The following DST variants were observed in gnomAD, a reference collection of about 807,000 sequenced individuals.
DST encodes the protein dystonin.
Under a neutral mutation model 875.2 loss-of-function variants are expected in DST, and 253 were observed. The ratio of observed to expected loss-of-function variants is 0.29; its 90% CI spans 0.26 to 0.32. The LOEUF is 0.32. DST is among the 10% of genes least tolerant of loss of function. The probability of loss-of-function intolerance (pLI) is 1.00; values close to 1 mark genes in which losing one functional copy is unlikely to be tolerated. For missense variants in DST, 8,287 were observed against 9,111.6 expected, an observed-to-expected ratio of 0.91 and a Z score of 3.68; for synonymous variants, 3,124 against 3,197.1, an observed-to-expected ratio of 0.98 and a Z score of 0.77.
chr6:56,458,801 A>T lies in DST; in HGVS notation c.*204T>A. The stretch of plus-strand genomic sequence containing the variant: ...AGTTCATGTTAAACTTTTCCTCCTC[A>T]CATATGATGTGACTTTAACCCCAGA... On this transcript the variant is annotated 3_prime_UTR_variant, in exon 104 of 104. Coordinates refer to ENST00000680361, the MANE Select transcript of DST (RefSeq NM_001374736.1). 2 of 516,078 alleles carry T rather than the reference A, an allele frequency of 3.9e-6. No homozygotes were observed. The highest frequency in any genetic ancestry group is 6.5e-6 in the Non-Finnish European group (2 of 310,006). The allele number at this position is 516,078 out of a possible 1,614,324, so 32.0% of individuals were successfully genotyped here. A position where few individuals can be genotyped will look rare whatever the true frequency, so the allele number is the denominator to read the frequency against.
chr6:56,683,639 A>G (rs2099167197), intron 9 of DST, among the ~76,000 whole-genome samples: 2 of 152,234 alleles, frequency 1.3e-5, no homozygotes, highest in South Asian at 4.1e-4. Context: ...TCAAGAGAGC[A>G]GCAACAAAGG....
intron 45 of DST, among the ~76,000 whole-genome samples, chr6:56,599,286 CT>C (rs1254433142): frequency 6.6e-6 from 1 of 151,878 alleles, no homozygotes; most frequent in East Asian, 1.9e-4. Context: ...TCTTCTTTTC[CT>C]CCTTTATCAT....
In DST at chr6:56,607,565, T is replaced by C. The variant is rs375876144; in HGVS notation, c.7063A>G (p.Ile2355Val). 19 of 1,611,908 alleles carry C rather than the reference T, an allele frequency of 1.2e-5. No homozygotes were observed. Among genetic ancestry groups the C allele is most frequent in the East Asian group, 8.9e-5 (4 of 44,780 alleles). The change falls in exon 40 of 104, where the codon ATT (isoleucine) becomes GTT (valine). Residue 2355 changes from isoleucine (I) to valine (V), a missense_variant. Coordinates refer to ENST00000680361, the MANE Select transcript of DST (RefSeq NM_001374736.1). The stretch of plus-strand genomic sequence containing the variant: ...TCAGAGTCACTTCTAAGCATGCTAA[T>C]GTCTGCAAGTTCAGTCTGTGTTAAA... ...SYLTQTELAD[I>V]SMLRSDSENI...
intron 2 of DST, among the ~76,000 whole-genome samples, chr6:56,921,074 A>T (rs1184278317): frequency 6.6e-6 from 1 of 151,896 alleles, no homozygotes; most frequent in Non-Finnish European, 1.5e-5. Flanking sequence ...CAAATAAATC[A>T]AACAAATAAA....
intron 4 of DST, among the ~76,000 whole-genome samples, chr6:56,751,063 C>T (rs2099585350): frequency 6.6e-6 from 1 of 152,058 alleles, no homozygotes; most frequent in Admixed American, 6.5e-5. Flanking sequence ...ACCCCCAATG[C>T]TTCAGGTTCT....
chr6:56,926,796 T>G (rs1807356184), intron 2 of DST, among the ~76,000 whole-genome samples: 1 of 152,190 alleles, frequency 6.6e-6, no homozygotes, highest in South Asian at 2.1e-4. Context: ...GGATATGCTC[T>G]CCTCAAACTG....
chr6:56,541,063 GGCCTT>G (rs1353040956), intron 61 of DST: 1 of 152,582 alleles, frequency 6.6e-6, no homozygotes, highest in Non-Finnish European at 1.5e-5. Flanking sequence ...TGCACTTGCT[GGCCTT>G]GGTAACAGCA....
chr6:56,730,094 A>T (rs541802379), intron 5 of DST, among the ~76,000 whole-genome samples: 1 of 152,332 alleles, frequency 6.6e-6, no homozygotes, highest in Admixed American at 6.5e-5. Context: ...TGAAGGAATA[A>T]ATTTAAAATA....
chr6:56,788,631 A>G (rs1386083395), intron 4 of DST, among the ~76,000 whole-genome samples: 1 of 152,250 alleles, frequency 6.6e-6, no homozygotes, highest in Non-Finnish European at 1.5e-5. Context: ...TAAAATTAAG[A>G]AATGAGTTCT....
At chr6:56,571,210 C>A (rs997033431) in intron 53 of DST, among the ~76,000 whole-genome samples, 1 of 152,184 alleles carries the variant, frequency 6.6e-6, no homozygotes, top group Admixed American at 6.5e-5. Context: ...TATATGCAAG[C>A]GTGCAGAATA....
intron 2 of DST, among the ~76,000 whole-genome samples, chr6:56,935,105 G>A (rs941465694): frequency 1.3e-5 from 2 of 152,064 alleles, no homozygotes; most frequent in Non-Finnish European, 2.9e-5. Context: ...AACAGCTCAA[G>A]GCATGCTTGA....
At chr6:56,600,775 T>C (rs143981434) in intron 44 of DST, among the ~76,000 whole-genome samples, 371 of 152,200 alleles carry the variant, frequency 2.4e-3, no homozygotes, top group African/African-American at 8.7e-3. Flanking sequence ...TTAAATCTTC[T>C]AAAAGATTAA....
rs201991278 is a variant in DST at position 56,463,061 on chromosome 6, G to A, written c.23055C>T (p.Pro7685=). 797 of 1,610,436 alleles carry A rather than the reference G, an allele frequency of 4.9e-4. No individual in the cohort carries two copies. The highest frequency in any genetic ancestry group is 6.4e-4 in the Non-Finnish European group (749 of 1,177,336). Reference sequence around the variant, plus strand: ...CTTACAATACCTCTGCAGATGGCACGGGAAAGTCTGAGCACTCTGCTGCTT... The same window carrying A: ...CTTACAATACCTCTGCAGATGGCACAGGAAAGTCTGAGCACTCTGCTGCTT... The part of the protein sequence containing the change: ...PCKAAECSDF[P]VPSAEGTPIQ... Residue 7685 remains proline, a synonymous_variant, in exon 102 of 104, where the codon CCC becomes CCT. Transcript: ENST00000680361.
intron 80 of DST, among the ~76,000 whole-genome samples, chr6:56,498,280 G>A (rs1210147459): frequency 2.0e-5 from 3 of 152,122 alleles, no homozygotes; most frequent in South Asian, 4.1e-4. Flanking sequence ...TCAAGCAATC[G>A]TCCCATTTCA....
At chr6:56,657,972 G>T (rs1193502714) in intron 10 of DST, among the ~76,000 whole-genome samples, 1 of 151,946 alleles carries the variant, frequency 6.6e-6, no homozygotes, top group Non-Finnish European at 1.5e-5. Flanking sequence ...CGCCATGTTG[G>T]CCAGGCTGGT....
In DST at chr6:56,493,070, A is replaced by G. The variant is rs2095802469; in HGVS notation, c.20414T>C (p.Leu6805Pro). The change falls in exon 84 of 104, where the codon CTC becomes CCC. Residue 6805 changes from leucine (L) to proline (P), a missense_variant. Around this residue, in one of 10 missense-constraint regions of DST, gnomAD observed 1,292 missense variants for 1,552.7 expected, o/e 0.83. Coordinates refer to ENST00000680361, the MANE Select transcript of DST (RefSeq NM_001374736.1). ...ATTGTGGAACTCCATTGCCAAGTTG[A>G]GAGCCTCTTCCAGTTTAGTCTGCAA... ...NERKTKLEEA[L>P]NLAMEFHNSL... 6.2e-7 allele frequency: 1 copy of G among 1,611,714 alleles called. No individual in the cohort carries two copies.
chr6:56,892,626 C>A (rs1364242819), intron 3 of DST, among the ~76,000 whole-genome samples: 5 of 152,112 alleles, frequency 3.3e-5, no homozygotes, highest in African/African-American at 7.2e-5. Context: ...ACGCCCAGCA[C>A]TACCCATATT....
chr6:56,492,125 T>C, intron 85 of DST, 102 bp downstream of exon 85: 1 of 1,040,018 alleles, frequency 9.6e-7, no homozygotes, highest in Non-Finnish European at 1.4e-6. Flanking sequence ...ATGATTGTTA[T>C]GCCTAATACA....
intron 9 of DST, among the ~76,000 whole-genome samples, 152 bp from the exon 10 acceptor site, chr6:56,670,959 CAT>C (rs1250134201): frequency 6.6e-6 from 1 of 152,190 alleles, no homozygotes; most frequent in Non-Finnish European, 1.5e-5. Context: ...AATGAGATAA[CAT>C]GTGTACAGCA....
Sources: allele counts gnomAD v4.1 joint callset (sites outside exome capture counted in the v4.1 genomes callset), GRCh38; gene constraint gnomAD v4.1.1; regional missense constraint gnomAD v4.1.1; transcripts MANE v1.5; gene names NCBI Gene and HGNC (gene_info 2026-07-23, HGNC 2026-07-21).